Variants in WDR88 observed in about 807,000 individuals in gnomAD.
The protein encoded by WDR88 is WD repeat domain 88, also known as WD repeat-containing protein 88.
Under a neutral mutation model 46.8 loss-of-function variants are expected in WDR88, and 40 were observed. That is an observed-to-expected ratio of 0.86 (90% CI 0.66 to 1.11). The LOEUF is 1.11. Ranked by LOEUF, WDR88 falls within the 50% of genes most tolerant of loss-of-function variation. The pLI is 0.00. For missense variants in WDR88, 562 were observed against 602.4 expected, an observed-to-expected ratio of 0.93 and a Z score of 0.70; for synonymous variants, 235 against 240.7, an observed-to-expected ratio of 0.98 and a Z score of 0.22.
chr19:33,172,491 T>C, intron 10 of WDR88, 51 bp downstream of exon 10: 1 of 1,429,406 alleles, frequency 7.0e-7, no homozygotes, highest in South Asian at 1.2e-5. Context: ...TAGTTCCCTC[T>C]ATAAATTAAT....
chr19:33,147,209 C>T (rs146910021), intron 3 of WDR88, among the ~76,000 whole-genome samples: 126 of 151,018 alleles, frequency 8.3e-4, no homozygotes, highest in African/African-American at 2.7e-3. Context: ...TGGACTGCAG[C>T]GTGGATGACA....
At chr19:33,155,792 G>A (rs1599901275) in intron 6 of WDR88, among the ~76,000 whole-genome samples, 1 of 152,360 alleles carries the variant, frequency 6.6e-6, no homozygotes, top group South Asian at 2.1e-4. Flanking sequence ...ATTTGACAAT[G>A]TCTGGACTCA....
At chr19:33,161,424 G>C (rs1256272202) in intron 8 of WDR88, among the ~76,000 whole-genome samples, 2 of 152,080 alleles carry the variant, frequency 1.3e-5, no homozygotes, top group African/African-American at 4.8e-5. Context: ...CACACCCCAG[G>C]ATTTCTGCAT....
intron 2 of WDR88, among the ~76,000 whole-genome samples, chr19:33,138,519 A>AT (rs1206955530): frequency 1.4e-5 from 2 of 144,534 alleles, no homozygotes; most frequent in African/African-American, 2.6e-5. Flanking sequence ...GGCTAATTTT[A>AT]TTTTTTTAGT....
At chr19:33,163,326 C>T (rs1222387097) in intron 8 of WDR88, among the ~76,000 whole-genome samples, 1 of 139,248 alleles carries the variant, frequency 7.2e-6, no homozygotes, top group Admixed American at 7.0e-5. Context: ...GAGCGAGACT[C>T]CGTCTCAAAA....
At chr19:33,132,946 G>C (rs996954039) in intron 1 of WDR88, among the ~76,000 whole-genome samples, 2 of 152,054 alleles carry the variant, frequency 1.3e-5, no homozygotes, top group African/African-American at 4.8e-5. Context: ...GATCACTTGA[G>C]CCCAGGAGTT....
At chr19:33,146,486 T>TCC (rs1480441416) in intron 3 of WDR88, among the ~76,000 whole-genome samples, 1 of 74,760 alleles carries the variant, frequency 1.3e-5, no homozygotes, top group Non-Finnish European at 2.7e-5. Context: ...CTTCCTTCCT[T>TCC]CCTTCCTTCC....
At chr19:33,162,291 C>T (rs1256037979) in intron 8 of WDR88, among the ~76,000 whole-genome samples, 1 of 152,150 alleles carries the variant, frequency 6.6e-6, no homozygotes, top group Non-Finnish European at 1.5e-5. Flanking sequence ...AGTTCCGCCT[C>T]CTGGGTTCAC....
In WDR88 at chr19:33,141,227, G is replaced by GTTTTTTTTTTTTT. The variant is rs745987290; in HGVS notation, c.387+3441_387+3453dup. ...GCTGGGATTACAGGTGTGGGAGCATGTTTTTTTTTTTTTCTTTTTTGACAC... is the reference window on the plus strand; with the variant it reads ...GCTGGGATTACAGGTGTGGGAGCATGTTTTTTTTTTTTTTTTTTTTTTTTTTCTTTTTTGACAC... On this transcript the variant is annotated intron_variant, in intron 2 of 10. Transcript: ENST00000355868. 3.0e-4 allele frequency among the ~76,000 whole-genome samples: 34 copies of GTTTTTTTTTTTTT among 113,386 alleles called. 9 individuals are homozygous for GTTTTTTTTTTTTT. The highest frequency in any genetic ancestry group is 9.8e-4 in the African/African-American group (24 of 24,456). The allele number at this position is 113,386 out of a possible 152,430, so 74.4% of individuals were successfully genotyped here.
chr19:33,152,536 T>C (rs1710855817), intron 6 of WDR88, among the ~76,000 whole-genome samples: 2 of 152,178 alleles, frequency 1.3e-5, no homozygotes, highest in Non-Finnish European at 2.9e-5. Context: ...GATTAGGTTA[T>C]TTCACTTAAA....
chr19:33,133,367 G>C (rs1419669853), intron 1 of WDR88, among the ~76,000 whole-genome samples: 1 of 151,984 alleles, frequency 6.6e-6, no homozygotes, highest in Non-Finnish European at 1.5e-5. Flanking sequence ...GGCTAACATG[G>C]TGAAACCCTT....
intron 10 of WDR88, chr19:33,174,994 G>C (rs1974099488): frequency 1.0e-6 from 1 of 985,286 alleles, no homozygotes; most frequent in African/African-American, 1.7e-5. Context: ...CAGCACTCTG[G>C]GCTGCCAAGG....
chr19:33,134,842 C>T lies in WDR88; in HGVS notation c.276+2397C>T, dbSNP rs868426010. Among the ~76,000 whole-genome samples, 110 of 81,616 alleles carry T rather than the reference C, an allele frequency of 1.3e-3. 1 individual carries two copies. The highest frequency in any genetic ancestry group is 1.9e-3 in the Non-Finnish European group (82 of 43,242). The allele number at this position is 81,616 out of a possible 152,430, so 53.5% of individuals were successfully genotyped here. ...ATCTCCACCTGCACGTCCCCGACAC[C>T]CCCCCCCCCGCCCCGCATCACCTGC... On this transcript the variant is annotated intron_variant, in intron 1 of 10. Coordinates refer to ENST00000355868, the MANE Select transcript of WDR88 (RefSeq NM_173479.4).
At position 33,143,644 on chromosome 19, in the gene WDR88, CAA is replaced by C. The variant is rs11330443; in HGVS notation, c.388-1184_388-1183del. On this transcript the variant is annotated intron_variant, in intron 2 of 10. Transcript: ENST00000355868. ...TGGGTGATAGAGCAAGACCCTCTCT[CAA>C]AAAAAAAAAAAAAAAGTTTGGTAGT... 1.8e-3 allele frequency among the ~76,000 whole-genome samples: 205 copies of C among 117,078 alleles called. 1 individual carries two copies. Among genetic ancestry groups the C allele is most frequent in the South Asian group, 6.7e-3 (25 of 3,758 alleles). The allele number at this position is 117,078 out of a possible 152,430, so 76.8% of individuals were successfully genotyped here. A position where few individuals can be genotyped will look rare whatever the true frequency, so the allele number is the denominator to read the frequency against.
chr19:33,140,141 C>T (rs1044057813), intron 2 of WDR88, among the ~76,000 whole-genome samples: 3 of 152,136 alleles, frequency 2.0e-5, no homozygotes, highest in African/African-American at 7.2e-5. Context: ...CACAGGATAA[C>T]ACTAGAGGAA....
intron 6 of WDR88, among the ~76,000 whole-genome samples, chr19:33,153,303 G>A (rs1973671759): frequency 6.7e-6 from 1 of 150,130 alleles, no homozygotes; most frequent in Non-Finnish European, 1.5e-5. Flanking sequence ...GAGCTCAAGT[G>A]ATCCTCTCAC....
At chr19:33,156,616 T>G in intron 7 of WDR88, 74 bp downstream of exon 7, 2 of 1,490,538 alleles carry the variant, frequency 1.3e-6, no homozygotes, top group Non-Finnish European at 1.8e-6. Flanking sequence ...TCCGTTCAAA[T>G]GGACAGAGAG....
At chr19:33,156,641 T>C in intron 7 of WDR88, 99 bp downstream of exon 7, 6 of 1,353,260 alleles carry the variant, frequency 4.4e-6, no homozygotes, top group Non-Finnish European at 6.0e-6. Flanking sequence ...TTTCCAATGA[T>C]GCTGACAGGG....
At chr19:33,138,687 CTT>C (rs1218123445) in intron 2 of WDR88, among the ~76,000 whole-genome samples, 4 of 67,606 alleles carry the variant, frequency 5.9e-5, no homozygotes, top group Non-Finnish European at 2.6e-5. Context: ...CTTTTCTTTT[CTT>C]TTTTTTTTTT....
Sources: gnomAD v4.1 joint callset for allele counts (sites outside exome capture counted in the v4.1 genomes callset) on GRCh38, gnomAD v4.1.1 for gene constraint, MANE v1.5 for transcripts, NCBI Gene and HGNC (gene_info 2026-07-23, HGNC 2026-07-21) for gene names.